KIAA0319L: variants seen among roughly 807,000 people sequenced by gnomAD.
KIAA0319L encodes KIAA0319 like.
Under a neutral mutation model 120.1 loss-of-function variants are expected in KIAA0319L, and 55 were observed. That is an observed-to-expected ratio of 0.46 (90% confidence interval 0.37 to 0.57). KIAA0319L has a LOEUF of 0.57. Ranked by LOEUF, KIAA0319L falls within the 20% of genes least tolerant of loss-of-function variation. KIAA0319L has a pLI of 0.00. For missense variants in KIAA0319L, 1,049 were observed against 1,255.3 expected (o/e 0.84, Z 2.48); for synonymous variants, 398 against 471.9 (o/e 0.84, Z 2.03).
intron 2 of KIAA0319L, among the ~76,000 whole-genome samples, chr1:35,521,949 G>A (rs555583006): frequency 9.3e-4 from 141 of 151,970 alleles, no homozygotes; most frequent in Non-Finnish European, 1.6e-3. Context: ...CTCCAACCTG[G>A]GTGACAGAGC....
intron 3 of KIAA0319L, among the ~76,000 whole-genome samples, chr1:35,497,019 C>T (rs957602813): frequency 6.7e-6 from 1 of 149,446 alleles, no homozygotes; most frequent in African/African-American, 2.5e-5. Context: ...AAACATTACG[C>T]TAAGTAGAAG....
chr1:35,525,634 C>T (rs1233651300), intron 2 of KIAA0319L, among the ~76,000 whole-genome samples: 2 of 151,912 alleles, frequency 1.3e-5, no homozygotes, highest in Non-Finnish European at 2.9e-5. Flanking sequence ...ATCTGTTAAT[C>T]ATTTTTATGT....
chr1:35,470,069 T>C (rs918945381), intron 6 of KIAA0319L, among the ~76,000 whole-genome samples: 1 of 152,014 alleles, frequency 6.6e-6, no homozygotes, highest in Non-Finnish European at 1.5e-5. Context: ...GGTCTTGCCA[T>C]GTTTCCCAGT....
chr1:35,449,891 G>A lies in KIAA0319L; in HGVS notation c.2329C>T (p.Arg777Trp), dbSNP rs144204083. ...CCAGGTTTCACCTCCACAGTGGTCC[G>A]GTCTGTGTCACTCTCACCCTTTGCA... is the stretch of plus-strand genomic sequence containing the variant. ...TDAKGESDTDRTTVEVKPDPR... is the reference protein window; with the variant it reads ...TDAKGESDTDWTTVEVKPDPR... Residue 777 changes from arginine to tryptophan, a missense_variant, in exon 15 of 21, where the codon CGG (arginine) becomes TGG (tryptophan). By Grantham distance (101) the Arg-to-Trp change is moderately radical (BLOSUM62 -3). Coordinates refer to ENST00000325722, the MANE Select transcript of KIAA0319L (RefSeq NM_024874.5). The A allele has an allele frequency of 4.5e-3, 7,322 of 1,613,960 alleles. 26 individuals carry two copies. Among genetic ancestry groups the A allele is most frequent in the Non-Finnish European group, 5.3e-3 (6,286 of 1,179,908 alleles).
chr1:35,502,106 A>G (rs1032562151), intron 3 of KIAA0319L, among the ~76,000 whole-genome samples: 4 of 151,716 alleles, frequency 2.6e-5, no homozygotes, highest in African/African-American at 9.7e-5. Context: ...GTGAAATGCC[A>G]TCTCTACTAA....
At chr1:35,455,767 G>A (rs953283187) in intron 10 of KIAA0319L, among the ~76,000 whole-genome samples, 2 of 151,850 alleles carry the variant, frequency 1.3e-5, no homozygotes, top group African/African-American at 4.8e-5. Flanking sequence ...CTTTAGTAGA[G>A]ACGGGGTTTC....
chr1:35,551,330 TC>T (rs1647189643), intron 2 of KIAA0319L, among the ~76,000 whole-genome samples: 1 of 152,208 alleles, frequency 6.6e-6, no homozygotes, highest in South Asian at 2.1e-4. Context: ...TGTTCTTTTT[TC>T]CTTTCAGATG....
At chr1:35,531,837 C>T (rs1646381682) in intron 2 of KIAA0319L, among the ~76,000 whole-genome samples, 1 of 152,026 alleles carries the variant, frequency 6.6e-6, no homozygotes, top group South Asian at 2.1e-4. Context: ...CTTATATCTT[C>T]GACAATGACT....
intron 17 of KIAA0319L, 72 bp from the exon 18 acceptor site, chr1:35,443,100 T>G: frequency 6.3e-7 from 1 of 1,588,832 alleles, no homozygotes; most frequent in Non-Finnish European, 8.6e-7. Context: ...CTAGAGCCCA[T>G]GAGGGCACCA....
intron 2 of KIAA0319L, among the ~76,000 whole-genome samples, chr1:35,548,468 T>C (rs1647069428): frequency 6.6e-6 from 1 of 152,178 alleles, no homozygotes; most frequent in Admixed American, 6.5e-5. Context: ...AGTGTTTGCC[T>C]TAAGAGGTGC....
At chr1:35,553,045 C>G (rs1571058102) in intron 2 of KIAA0319L, among the ~76,000 whole-genome samples, 2 of 151,830 alleles carry the variant, frequency 1.3e-5, no homozygotes. Context: ...CGAGATTGTG[C>G]CACTGCACTC....
chr1:35,474,822 A>G lies in KIAA0319L; in HGVS notation c.998T>C (p.Leu333Pro). ...KNEVQLNAYV[L>P]QEPPKGETYT... Reference sequence around the variant, plus strand: ...ATGTTTACCTTTAGGTGGTTCTTGGAGAACATATGCATTTAATTGAACTTC... The same window carrying G: ...ATGTTTACCTTTAGGTGGTTCTTGGGGAACATATGCATTTAATTGAACTTC... Residue 333 changes from leucine (L) to proline (P), a missense_variant, in exon 5 of 21, where the codon CTC becomes CCC. Transcript: ENST00000325722. 6.2e-7 allele frequency: 1 copy of G among 1,602,696 alleles called. No homozygotes were observed. Among genetic ancestry groups the G allele is most frequent in the Non-Finnish European group, 8.5e-7 (1 of 1,170,120 alleles).
At chr1:35,470,775 A>T in intron 6 of KIAA0319L, 88 bp downstream of exon 6, 1 of 831,636 alleles carries the variant, frequency 1.2e-6, no homozygotes, top group Non-Finnish European at 2.1e-6. Flanking sequence ...TTACAACTTA[A>T]GTGTAGACAG....
rs1276109927 is a variant in KIAA0319L at position 35,453,695 on chromosome 1, A to G, written c.1781-6T>C. ...CTGAGGAGGCTTATTGTTTTCTGGA[A>G]GACAAAGAGTTAGAGGTCAAAAGCA... On this transcript the variant is annotated splice_polypyrimidine_tract_variant and splice_region_variant and intron_variant, in intron 11 of 20. Coordinates refer to ENST00000325722, the MANE Select transcript of KIAA0319L (RefSeq NM_024874.5). The surrounding 1 kb of genome is among the most constrained non-coding windows in gnomAD (Gnocchi z 4.1). 1.2e-6 allele frequency: 2 copies of G among 1,612,392 alleles called. No homozygotes were observed. The highest frequency in any genetic ancestry group is 4.5e-5 in the East Asian group (2 of 44,850).
chr1:35,445,466 C>T (rs1380113237), intron 16 of KIAA0319L, among the ~76,000 whole-genome samples: 1 of 152,194 alleles, frequency 6.6e-6, no homozygotes, highest in East Asian at 1.9e-4. Flanking sequence ...TCCTGAGTGA[C>T]CAGTCTATAT....
At chr1:35,486,148 C>T (rs553811523) in intron 3 of KIAA0319L, among the ~76,000 whole-genome samples, 4 of 152,098 alleles carry the variant, frequency 2.6e-5, no homozygotes, top group South Asian at 2.1e-4. Flanking sequence ...TTTGAGATGC[C>T]GAGGCAGGAG....
intron 8 of KIAA0319L, 112 bp from the exon 9 acceptor site, chr1:35,460,549 T>C (rs1768560): frequency 0.23 from 208,878 of 916,036 alleles, 47,100 homozygotes; most frequent in African/African-American, 0.83. Context: ...GAAAACTTCA[T>C]GAAATTACAG....
At chr1:35,521,978 TAAAAAATAAAA>T (rs1645939498) in intron 2 of KIAA0319L, among the ~76,000 whole-genome samples, 1 of 150,814 alleles carries the variant, frequency 6.6e-6, no homozygotes, top group Admixed American at 6.6e-5. Flanking sequence ...GTCTTAAAAA[TAAAAAATAAAA>T]AATAAATAAA....
At chr1:35,555,061 A>G (rs1420016401) in intron 1 of KIAA0319L, 1 of 152,088 alleles carries the variant, frequency 6.6e-6, no homozygotes, top group Non-Finnish European at 1.5e-5. Flanking sequence ...AAATCTATTC[A>G]ATTTACACCT....
Sources: allele counts gnomAD v4.1 joint callset (sites outside exome capture counted in the v4.1 genomes callset), GRCh38; gene constraint gnomAD v4.1.1; non-coding constraint Gnocchi (gnomAD v3.1); transcripts MANE v1.5; gene names NCBI Gene and HGNC (gene_info 2026-07-23, HGNC 2026-07-21).